NTN1: variants seen among roughly 807,000 people sequenced by gnomAD.
NTN1 encodes netrin-1.
In NTN1, 11 loss-of-function variants were observed where a neutral mutation model predicts 54.2. That is an observed-to-expected ratio of 0.20 (90% CI 0.13 to 0.34). The LOEUF is 0.34. Among genes scored for constraint, NTN1 ranks in the 10% least tolerant of loss-of-function variants. The probability of loss-of-function intolerance (pLI) is 1.00; values close to 1 mark genes in which losing one functional copy is unlikely to be tolerated. For synonymous variants in NTN1, 371 were observed against 382.0 expected (o/e 0.97, Z 0.33); for missense variants, 740 against 893.1 (o/e 0.83, Z 2.18).
At chr17:9,089,566 G>C (rs1264540123) in intron 2 of NTN1, among the ~76,000 whole-genome samples, 1 of 152,168 alleles carries the variant, frequency 6.6e-6, no homozygotes, top group Non-Finnish European at 1.5e-5. Context: ...GATGTTCCCT[G>C]TTCTCTACCC....
At chr17:9,067,988 T>C (rs72809975) in intron 2 of NTN1, among the ~76,000 whole-genome samples, 18,782 of 152,178 alleles carry the variant, frequency 0.12, 1,423 homozygotes, top group Non-Finnish European at 0.16. Flanking sequence ...GTGGGAGGAT[T>C]GCTTGAGCTG....
chr17:9,066,650 A>G (rs1471160480), intron 2 of NTN1, among the ~76,000 whole-genome samples: 1 of 151,338 alleles, frequency 6.6e-6, no homozygotes, highest in Admixed American at 6.6e-5. Flanking sequence ...ATTCAATAGC[A>G]GATATACAGA....
Position 9,127,071 on chromosome 17 carries a change from C to A in NTN1, c.1019-35742C>A, listed in dbSNP as rs150059054. Among the ~76,000 whole-genome samples the A allele has an allele frequency of 1.2e-3, 98 of 81,982 alleles. 1 individual carries two copies. Among genetic ancestry groups the A allele is most frequent in the Non-Finnish European group, 1.9e-3 (75 of 39,744 alleles). The allele number at this position is 81,982 out of a possible 152,430, so 53.8% of individuals were successfully genotyped here. A position where few individuals can be genotyped will look rare whatever the true frequency, so the allele number is the denominator to read the frequency against. On this transcript the variant is annotated intron_variant, in intron 2 of 6. Coordinates refer to ENST00000173229, the MANE Select transcript of NTN1 (RefSeq NM_004822.3). ...GGCAGGAGTGAGATTGTGGTAGGGC[C>A]GGGGGGGGGCAGGACAGGGAGTTAG...
intron 5 of NTN1, among the ~76,000 whole-genome samples, chr17:9,217,089 G>A (rs890852708): frequency 6.6e-6 from 1 of 151,534 alleles, no homozygotes; most frequent in African/African-American, 2.4e-5. Flanking sequence ...TTGCTGTACT[G>A]CTGTCCTTCT....
intron 2 of NTN1, among the ~76,000 whole-genome samples, chr17:9,112,278 GA>G (rs2092194233): frequency 6.6e-6 from 1 of 152,168 alleles, no homozygotes; most frequent in Non-Finnish European, 1.5e-5. Context: ...TACAATTATG[GA>G]ATCCACAAAT....
At chr17:9,070,474 AC>A (rs1371510022) in intron 2 of NTN1, among the ~76,000 whole-genome samples, 1 of 152,130 alleles carries the variant, frequency 6.6e-6, no homozygotes, top group Non-Finnish European at 1.5e-5. Flanking sequence ...TTGAGCCTAA[AC>A]CCCCGAGACT....
intron 2 of NTN1, among the ~76,000 whole-genome samples, chr17:9,122,276 C>T (rs1049166459): frequency 1.3e-5 from 2 of 152,122 alleles, no homozygotes; most frequent in Non-Finnish European, 2.9e-5. Context: ...CCTCATGATC[C>T]GCCCGCCTCG....
chr17:9,163,477 AACACACACACACACAC>A (rs55765967), intron 3 of NTN1, among the ~76,000 whole-genome samples: 7 of 142,684 alleles, frequency 4.9e-5, no homozygotes, highest in African/African-American at 1.1e-4. Flanking sequence ...TCCCCCCCGA[AACACACACACACACAC>A]ACACACACAC....
chr17:9,207,129 G>A (rs552396934), intron 5 of NTN1, among the ~76,000 whole-genome samples: 7 of 152,158 alleles, frequency 4.6e-5, no homozygotes, highest in Admixed American at 1.3e-4. Flanking sequence ...TATGTGTCCC[G>A]GGCCCTGGGG....
At chr17:9,021,703 CG>C in intron 1 of NTN1, 118 bp downstream of exon 1, 1 of 152,514 alleles carries the variant, frequency 6.6e-6, no homozygotes, top group East Asian at 2.0e-4. Context: ...GGGCCGGGAC[CG>C]GGGCTGGGGC....
In NTN1 at chr17:9,242,643, G is replaced by C. The variant is rs1390812120; in HGVS notation, c.*2675G>C. The stretch of plus-strand genomic sequence containing the variant: ...TCGGCTCAGCACCCCGCAGGGCACA[G>C]GCTGTCCGCCCGGTGGTCTGGCCCT... On this transcript the variant is annotated 3_prime_UTR_variant, in exon 7 of 7. Coordinates refer to ENST00000173229, the MANE Select transcript of NTN1 (RefSeq NM_004822.3). 1 of 152,054 alleles carries C rather than the reference G, an allele frequency of 6.6e-6. No individual in the cohort carries two copies. The highest frequency in any genetic ancestry group is 2.4e-5 in the African/African-American group (1 of 41,464). The allele number at this position is 152,054 out of a possible 1,614,324, so 9.4% of individuals were successfully genotyped here.
chr17:9,224,811 G>GGGGC (rs71361878), intron 6 of NTN1, among the ~76,000 whole-genome samples: 34 of 151,336 alleles, frequency 2.2e-4, no homozygotes, highest in Non-Finnish European at 3.1e-4. Flanking sequence ...GGGTGGGGGG[G>GGGGC]CACAGTGGGA....
intron 2 of NTN1, among the ~76,000 whole-genome samples, chr17:9,089,786 A>G (rs2092103611): frequency 6.6e-6 from 1 of 152,174 alleles, no homozygotes; most frequent in Non-Finnish European, 1.5e-5. Flanking sequence ...GCCTGTGATC[A>G]TCTTTTTCCA....
At chr17:9,080,687 C>G (rs951968890) in intron 2 of NTN1, among the ~76,000 whole-genome samples, 1 of 152,194 alleles carries the variant, frequency 6.6e-6, no homozygotes, top group Admixed American at 6.5e-5. Flanking sequence ...CTTTCCCTCT[C>G]CCTGCCCCAC....
chr17:9,122,990 T>TTG (rs1192323925), intron 2 of NTN1, among the ~76,000 whole-genome samples: 1 of 152,204 alleles, frequency 6.6e-6, no homozygotes, highest in Non-Finnish European at 1.5e-5. Context: ...ACTCTAAGCT[T>TTG]TGTTGGGCTG....
chr17:9,186,587 G>A (rs2092433492), intron 5 of NTN1, among the ~76,000 whole-genome samples: 1 of 152,244 alleles, frequency 6.6e-6, no homozygotes, highest in African/African-American at 2.4e-5. Flanking sequence ...CCTGGGGTGG[G>A]AGTGGCTGCC....
At chr17:9,066,881 A>G (rs72660225) in intron 2 of NTN1, among the ~76,000 whole-genome samples, 25,824 of 151,458 alleles carry the variant, frequency 0.17, 2,491 homozygotes, top group African/African-American at 0.23. Flanking sequence ...CATGCCTGCA[A>G]TCCCAGCTAC....
intron 5 of NTN1, among the ~76,000 whole-genome samples, chr17:9,209,480 A>G (rs1905045550): frequency 6.6e-6 from 1 of 152,204 alleles, no homozygotes; most frequent in South Asian, 2.1e-4. Context: ...TCTCTAGGAG[A>G]CAGTATACAG....
intron 2 of NTN1, among the ~76,000 whole-genome samples, chr17:9,133,836 GT>G (rs574303814): frequency 9.6e-5 from 12 of 124,662 alleles, no homozygotes; most frequent in Non-Finnish European, 1.9e-4. Flanking sequence ...TCCTAACCTT[GT>G]GATTTGCCTG....
Sources: allele counts gnomAD v4.1 joint callset (sites outside exome capture counted in the v4.1 genomes callset), GRCh38; gene constraint gnomAD v4.1.1; transcripts MANE v1.5; gene names NCBI Gene and HGNC (gene_info 2026-07-23, HGNC 2026-07-21).